Variants in BCL2L11 observed in about 807,000 individuals in gnomAD.
BCL2L11 encodes the protein bcl-2-like protein 11.
In BCL2L11, 15 loss-of-function variants were observed where a neutral mutation model predicts 20.6. The ratio of observed to expected loss-of-function variants is 0.73; its 90% CI spans 0.49 to 1.12. The LOEUF (loss-of-function observed/expected upper bound fraction) is 1.12, where lower values mean the gene tolerates loss of function less well. Among genes scored for constraint, BCL2L11 ranks in the 50% most tolerant of loss-of-function variants. The pLI is 0.00. For missense variants in BCL2L11, 292 were observed against 260.9 expected (o/e 1.12, Z -0.82); for synonymous variants, 108 against 92.8 (o/e 1.16, Z -0.94).
chr2:111,145,908 A>C, intron 2 of BCL2L11: 3 of 938,190 alleles, frequency 3.2e-6, no homozygotes, highest in Non-Finnish European at 3.8e-6. Context: ...AAAAGTTTTG[A>C]TTAGTGGCTT....
intron 2 of BCL2L11, among the ~76,000 whole-genome samples, chr2:111,133,949 T>C (rs1301452420): frequency 1.3e-5 from 2 of 152,230 alleles, no homozygotes; most frequent in African/African-American, 4.8e-5. Context: ...ATCATTGCTG[T>C]AAAATGTACT....
intron 2 of BCL2L11, among the ~76,000 whole-genome samples, chr2:111,146,954 CTG>C (rs1162789570): frequency 6.6e-6 from 1 of 152,046 alleles, no homozygotes; most frequent in Non-Finnish European, 1.5e-5. Context: ...CAGGAAATAA[CTG>C]TATTTGCATC....
At chr2:111,141,461 C>A in intron 2 of BCL2L11, among the ~76,000 whole-genome samples, 1 of 140,804 alleles carries the variant, frequency 7.1e-6, no homozygotes, top group African/African-American at 2.7e-5. Context: ...GGGAATTGAA[C>A]AATGAGATCA....
intron 2 of BCL2L11, among the ~76,000 whole-genome samples, chr2:111,128,008 T>C (rs926403223): frequency 1.3e-5 from 2 of 152,142 alleles, no homozygotes; most frequent in Non-Finnish European, 2.9e-5. Context: ...TGTTCAGTAG[T>C]GTTAAGTGCA....
At chr2:111,124,236 A>G (rs2150148435) in intron 2 of BCL2L11, 97 bp downstream of exon 2, 1 of 1,361,820 alleles carries the variant, frequency 7.3e-7, no homozygotes, top group Non-Finnish European at 1.0e-6. Flanking sequence ...AAAACCCCGT[A>G]ACTGATTTAT....
intron 3 of BCL2L11, among the ~76,000 whole-genome samples, chr2:111,163,756 A>G (rs543425856): frequency 2.6e-4 from 40 of 152,156 alleles, no homozygotes; most frequent in Admixed American, 4.6e-4. Flanking sequence ...GCTACCAGAA[A>G]TTCACCCCTG....
At chr2:111,149,759 G>C (rs2077018955) in intron 2 of BCL2L11, among the ~76,000 whole-genome samples, 1 of 152,208 alleles carries the variant, frequency 6.6e-6, no homozygotes, top group Admixed American at 6.5e-5. Context: ...TCTGGAAATG[G>C]AAGTGTGTAT....
At chr2:111,129,372 A>G (rs916386354) in intron 2 of BCL2L11, among the ~76,000 whole-genome samples, 1 of 152,140 alleles carries the variant, frequency 6.6e-6, no homozygotes, top group Non-Finnish European at 1.5e-5. Context: ...AGAGAAAGAT[A>G]TTTTTCTTTA....
At chr2:111,155,846 G>A (rs188820409) in intron 3 of BCL2L11, among the ~76,000 whole-genome samples, 20 of 152,352 alleles carry the variant, frequency 1.3e-4, no homozygotes, top group Admixed American at 1.3e-3. Flanking sequence ...TCTGTCCAGG[G>A]CATGTGCAGA....
chr2:111,144,971 G>GT (rs1021352370), intron 2 of BCL2L11, among the ~76,000 whole-genome samples: 1 of 152,198 alleles, frequency 6.6e-6, no homozygotes, highest in African/African-American at 2.4e-5. Flanking sequence ...TTTTGGCTAA[G>GT]TATGTTCTAT....
intron 2 of BCL2L11, chr2:111,144,526 T>G: frequency 6.4e-7 from 1 of 1,550,408 alleles, no homozygotes; most frequent in Middle Eastern, 1.7e-4. Context: ...CCCAGGTGAG[T>G]TTTATAAGGA....
At chr2:111,133,473 ACCT>A (rs2074310255) in intron 2 of BCL2L11, among the ~76,000 whole-genome samples, 1 of 151,834 alleles carries the variant, frequency 6.6e-6, no homozygotes, top group African/African-American at 2.4e-5. Flanking sequence ...TTCCTTTGAG[ACCT>A]CCTCTTTGAC....
At chr2:111,164,090 C>A in intron 3 of BCL2L11, 43 bp from the exon 4 acceptor site, 1 of 1,164,060 alleles carries the variant, frequency 8.6e-7, no homozygotes, top group Non-Finnish European at 1.3e-6. Flanking sequence ...TCCCCACCCC[C>A]AAATTAGGGA....
intron 2 of BCL2L11, among the ~76,000 whole-genome samples, chr2:111,130,753 C>T (rs751562761): frequency 4.6e-5 from 7 of 152,080 alleles, no homozygotes; most frequent in Non-Finnish European, 1.0e-4. Context: ...TTATATGGGT[C>T]GTCTTTAAAA....
intron 2 of BCL2L11, among the ~76,000 whole-genome samples, chr2:111,125,308 G>T (rs2072321536): frequency 6.6e-6 from 1 of 152,204 alleles, no homozygotes; most frequent in Admixed American, 6.5e-5. Flanking sequence ...ACATACTTTG[G>T]GTAACCTTGG....
In BCL2L11 at chr2:111,166,866, A is replaced by G. The variant is rs890377942; in HGVS notation, c.*2635A>G. The G allele has an allele frequency of 3.9e-5, 6 of 152,726 alleles. No homozygotes were observed. Among genetic ancestry groups the G allele is most frequent in the African/African-American group, 1.4e-4 (6 of 41,566 alleles). 9.5% of individuals were successfully genotyped at this position (152,726 alleles called of 1,614,324 possible). A position where few individuals can be genotyped will look rare whatever the true frequency, so the allele number is the denominator to read the frequency against. ...GCCGTTTCCCCTTCTTAATGTATATATTGTGAGTATTTATTAGATTCGTAG... is the reference window on the plus strand; with the variant it reads ...GCCGTTTCCCCTTCTTAATGTATATGTTGTGAGTATTTATTAGATTCGTAG... On this transcript the variant is annotated 3_prime_UTR_variant, in exon 4 of 4. Coordinates refer to ENST00000393256, the MANE Select transcript of BCL2L11 (RefSeq NM_138621.5).
intron 2 of BCL2L11, chr2:111,142,437 C>T (rs2075970696): frequency 6.9e-7 from 1 of 1,458,830 alleles, no homozygotes; most frequent in Non-Finnish European, 9.4e-7. Flanking sequence ...AAAGAAGCAG[C>T]TGCCTTTTGT....
Position 111,120,988 on chromosome 2 carries a change from C to CGCCGCCGCCGCCGCCGCCGCT in BCL2L11, c.-194_-193insTGCCGCCGCCGCCGCCGCCGC, listed in dbSNP as rs2070773409. 2 of 327,542 alleles carry CGCCGCCGCCGCCGCCGCCGCT rather than the reference C, an allele frequency of 6.1e-6. No individual in the cohort carries two copies. Among genetic ancestry groups the CGCCGCCGCCGCCGCCGCCGCT allele is most frequent in the African/African-American group, 2.5e-5 (1 of 40,474 alleles). The allele number at this position is 327,542 out of a possible 1,614,324, so 20.3% of individuals were successfully genotyped here. A position where few individuals can be genotyped will look rare whatever the true frequency, so the allele number is the denominator to read the frequency against. ...CCAGCGCCGCTGCCGCTGCCGCCGCCGCCGCCGCCGCCGCCGCCGCCGCCG... is the reference window on the plus strand; with the variant it reads ...CCAGCGCCGCTGCCGCTGCCGCCGCCGCCGCCGCCGCCGCCGCCGCTGCCGCCGCCGCCGCCGCCGCCGCCG... On this transcript the variant is annotated 5_prime_UTR_variant, in exon 1 of 4. Transcript: ENST00000393256.
chr2:111,121,477 CAGG>C (rs2070896573), intron 1 of BCL2L11, among the ~76,000 whole-genome samples: 1 of 152,216 alleles, frequency 6.6e-6, no homozygotes, highest in Non-Finnish European at 1.5e-5. Context: ...TAGGTCCGGG[CAGG>C]AGGAGAGGCA....
Sources: allele counts gnomAD v4.1 joint callset (sites outside exome capture counted in the v4.1 genomes callset), GRCh38; gene constraint gnomAD v4.1.1; transcripts MANE v1.5; gene names NCBI Gene and HGNC (gene_info 2026-07-23, HGNC 2026-07-21).